Variants in MAF observed in about 807,000 individuals in gnomAD.
MAF encodes the protein MAF bZIP transcription factor.
In MAF, 10 loss-of-function variants were observed where a neutral mutation model predicts 22.0. That is an observed-to-expected ratio of 0.45 (90% CI 0.28 to 0.77). The LOEUF (loss-of-function observed/expected upper bound fraction) is 0.77, where lower values mean the gene tolerates loss of function less well. Ranked by LOEUF, MAF falls within the 30% of genes least tolerant of loss-of-function variation. The pLI, the probability that MAF is intolerant of heterozygous loss-of-function variation, is 0.12. For synonymous variants in MAF, 337 were observed against 255.8 expected (o/e 1.32, Z -3.03); for missense variants, 544 against 548.4 (o/e 0.99, Z 0.08).
the MAF span, among the ~76,000 whole-genome samples, chr16:79,348,031 G>A: frequency 2.0e-5 from 3 of 151,998 alleles, no homozygotes; most frequent in East Asian, 1.9e-4. Context: ...TATTTGCATA[G>A]TTCGATCCTC....
At chr16:79,486,157 C>A in the MAF span, among the ~76,000 whole-genome samples, 1 of 152,160 alleles carries the variant, frequency 6.6e-6, no homozygotes, top group Non-Finnish European at 1.5e-5. Flanking sequence ...AGCTCAGGAA[C>A]CCCTCTTTTC....
the MAF span, among the ~76,000 whole-genome samples, chr16:79,223,722 C>G: frequency 5.9e-5 from 9 of 152,180 alleles, no homozygotes; most frequent in African/African-American, 2.2e-4. Context: ...TCAGAGAATA[C>G]TATAAACACC....
the MAF span, among the ~76,000 whole-genome samples, chr16:79,349,893 C>T: frequency 2.0e-4 from 31 of 152,208 alleles, no homozygotes; most frequent in African/African-American, 7.0e-4. Flanking sequence ...AGCACACACG[C>T]TCTATGCTCC....
the MAF span, among the ~76,000 whole-genome samples, chr16:79,366,577 G>T: frequency 8.5e-5 from 13 of 152,180 alleles, no homozygotes; most frequent in South Asian, 6.2e-4. Context: ...GTGTACCTGT[G>T]TGACTTACTT....
chr16:79,206,208 C>T, the MAF span: 1 of 152,362 alleles, frequency 6.6e-6, no homozygotes, highest in African/African-American at 2.4e-5. Context: ...GTTAGGGCAT[C>T]ACCTCATGGC....
chr16:79,599,040 C>T lies in MAF; in HGVS notation c.863G>A (p.Arg288Gln), dbSNP rs121917735. Reference sequence around the variant, plus strand: ...CAGGGTCCGCCTCTTCTGCTTCAGCCGGATCACCTCCTCCTTGCTGACCCC... The same window carrying T: ...CAGGGTCCGCCTCTTCTGCTTCAGCTGGATCACCTCCTCCTTGCTGACCCC... ...LRGVSKEEVI[R>Q]LKQKRRTLKN... Residue 288 changes from arginine (R) to glutamine (Q), a missense_variant, in exon 1 of 2, where the codon CGG becomes CAG. Transcript: ENST00000326043. 2 of 1,613,206 alleles carry T rather than the reference C, an allele frequency of 1.2e-6. No homozygotes were observed. Among genetic ancestry groups the T allele is most frequent in the South Asian group, 1.1e-5 (1 of 91,052 alleles).
chr16:79,599,411 C>T lies in MAF; in HGVS notation c.492G>A (p.Val164=). The change falls in exon 1 of 2, where the codon GTG becomes GTA. Residue 164 remains valine (V), a synonymous_variant. Transcript: ENST00000326043. Reference sequence around the variant, plus strand: ...CGGCGGCCGCGGCGATCACGGCGGACACCACGGCGGCGGCGGGGCCCATCT... The same window carrying T: ...CGGCGGCCGCGGCGATCACGGCGGATACCACGGCGGCGGCGGGGCCCATCT... The part of the protein sequence containing the change: ...GEEMGPAAAV[V]SAVIAAAAAQ... 8.7e-7 allele frequency: 1 copy of T among 1,150,666 alleles called. No homozygotes were observed. The highest frequency in any genetic ancestry group is 1.6e-5 in the African/African-American group (1 of 61,206). 71.3% of individuals were successfully genotyped at this position (1,150,666 alleles called of 1,614,324 possible).
chr16:79,367,361 T>A, the MAF span, among the ~76,000 whole-genome samples: 2 of 152,204 alleles, frequency 1.3e-5, no homozygotes, highest in Non-Finnish European at 2.9e-5. Flanking sequence ...CTTCTTTGGT[T>A]TGAAAGACTG....
the MAF span, among the ~76,000 whole-genome samples, chr16:79,305,245 G>A: frequency 6.6e-6 from 1 of 152,196 alleles, no homozygotes; most frequent in Non-Finnish European, 1.5e-5. Flanking sequence ...GGCCCTGACG[G>A]TTCCCACCAG....
At chr16:79,266,089 G>C in the MAF span, among the ~76,000 whole-genome samples, 1 of 150,772 alleles carries the variant, frequency 6.6e-6, no homozygotes, top group Non-Finnish European at 1.5e-5. Context: ...GCCTAGGCTG[G>C]TCTCGAACTC....
At chr16:79,463,555 G>C in the MAF span, among the ~76,000 whole-genome samples, 24 of 152,148 alleles carry the variant, frequency 1.6e-4, no homozygotes, top group Admixed American at 1.0e-3. Context: ...GTATATTTTG[G>C]AAATTGGAAA....
At chr16:79,244,705 T>C in the MAF span, among the ~76,000 whole-genome samples, 1 of 152,024 alleles carries the variant, frequency 6.6e-6, no homozygotes, top group African/African-American at 2.4e-5. Context: ...TTCACAGAAT[T>C]AGAAAAAACT....
At chr16:79,271,541 T>G in the MAF span, among the ~76,000 whole-genome samples, 1 of 152,224 alleles carries the variant, frequency 6.6e-6, no homozygotes, top group Admixed American at 6.5e-5. Flanking sequence ...ATGAGTAGAC[T>G]GTGACAGCCT....
At chr16:79,401,196 G>GT in the MAF span, among the ~76,000 whole-genome samples, 3 of 152,206 alleles carry the variant, frequency 2.0e-5, no homozygotes, top group Non-Finnish European at 4.4e-5. Context: ...ATTCTCCCGC[G>GT]TGGATTTCTT....
At chr16:79,214,723 T>TC in the MAF span, among the ~76,000 whole-genome samples, 1 of 134,318 alleles carries the variant, frequency 7.4e-6, no homozygotes, top group Non-Finnish European at 1.6e-5. Context: ...TTTTTTTTTT[T>TC]TTTTTTTGAG....
At chr16:79,214,509 G>A in the MAF span, among the ~76,000 whole-genome samples, 378 of 152,024 alleles carry the variant, frequency 2.5e-3, 1 homozygote, top group African/African-American at 8.2e-3. Context: ...AGGTTCACGC[G>A]ATTCTCCTGC....
the MAF span, among the ~76,000 whole-genome samples, chr16:79,576,871 G>T: frequency 6.6e-6 from 1 of 152,146 alleles, no homozygotes; most frequent in Non-Finnish European, 1.5e-5. Context: ...TCTTACAGAT[G>T]CAGAAACTTT....
At chr16:79,465,064 C>T in the MAF span, among the ~76,000 whole-genome samples, 53 of 152,252 alleles carry the variant, frequency 3.5e-4, no homozygotes, top group African/African-American at 9.6e-4. Flanking sequence ...CAACAGCCAC[C>T]AGGGAGAAGG....
the MAF span, among the ~76,000 whole-genome samples, chr16:79,323,414 C>A: frequency 6.6e-6 from 1 of 152,010 alleles, no homozygotes; most frequent in Non-Finnish European, 1.5e-5. Flanking sequence ...AAATACATCT[C>A]TGTGTTGTTT....
Sources: allele counts gnomAD v4.1 joint callset (sites outside exome capture counted in the v4.1 genomes callset), GRCh38; gene constraint gnomAD v4.1.1; transcripts MANE v1.5; gene names NCBI Gene and HGNC (gene_info 2026-07-23, HGNC 2026-07-21).